The following EXD2 variants were observed in gnomAD, a reference collection of about 807,000 sequenced individuals.
The protein encoded by EXD2 is exonuclease 3'-5' domain-containing protein 2.
Under a neutral mutation model 62.5 loss-of-function variants are expected in EXD2, and 40 were observed. The observed-to-expected ratio is 0.64, with a 90% CI of 0.50 to 0.83. The LOEUF (loss-of-function observed/expected upper bound fraction) is 0.83. Among genes scored for constraint, EXD2 ranks in the 40% least tolerant of loss-of-function variants. The pLI is 0.00. For missense variants in EXD2, 671 were observed against 761.8 expected, an observed-to-expected ratio of 0.88 and a Z score of 1.40; for synonymous variants, 239 against 291.9, an observed-to-expected ratio of 0.82 and a Z score of 1.85.
intron 3 of EXD2, among the ~76,000 whole-genome samples, chr14:69,225,582 A>G (rs11158798): frequency 0.31 from 47,645 of 152,120 alleles, 9,876 homozygotes; most frequent in East Asian, 0.92. Flanking sequence ...AAACATTTTC[A>G]TATATGTTGA....
Position 69,241,304 on chromosome 14 carries a change from G to T in EXD2, c.*204G>T. On this transcript the variant is annotated 3_prime_UTR_variant, in exon 10 of 10. Transcript: ENST00000685843. Reference sequence around the variant, plus strand: ...TATGGTTTTGGATTTTAAACGGGCAGGGTCTTTTTTCCTCTCATTTTTGTG... The same window carrying T: ...TATGGTTTTGGATTTTAAACGGGCATGGTCTTTTTTCCTCTCATTTTTGTG... 1 of 535,116 alleles carries T rather than the reference G, an allele frequency of 1.9e-6. No individual in the cohort carries two copies. Among genetic ancestry groups the T allele is most frequent in the Non-Finnish European group, 3.3e-6 (1 of 305,038 alleles). 33.1% of individuals were successfully genotyped at this position (535,116 alleles called of 1,614,324 possible). A position where few individuals can be genotyped will look rare whatever the true frequency, so the allele number is the denominator to read the frequency against.
intron 3 of EXD2, among the ~76,000 whole-genome samples, chr14:69,211,113 T>C (rs755281760): frequency 1.3e-5 from 2 of 152,202 alleles, no homozygotes; most frequent in Non-Finnish European, 2.9e-5. Context: ...CTCTACTATG[T>C]GGTGCTGTTT....
intron 1 of EXD2, among the ~76,000 whole-genome samples, chr14:69,199,184 C>T (rs528461820): frequency 2.0e-4 from 31 of 152,302 alleles, no homozygotes; most frequent in Non-Finnish European, 3.8e-4. Context: ...GCAGAGTTTG[C>T]AGTGAGCCGA....
rs540482405 is a variant in EXD2, at chr14:69,240,764, C to G, written c.1650-120C>G. The G allele has an allele frequency of 6.7e-6, 5 of 745,136 alleles. No homozygotes were observed. In the East Asian group the frequency reaches 1.3e-4, roughly 20 times the overall value. 46.2% of individuals were successfully genotyped at this position (745,136 alleles called of 1,614,324 possible). ...GGATGTTTCGAAAACACCAAAGTAA[C>G]TAACCCTTTAGGAGTCCTTCAACCT... On this transcript the variant is annotated intron_variant, in intron 9 of 9. Transcript: ENST00000685843.
In EXD2 at chr14:69,241,059, C is replaced by T. The variant is rs1391636573; in HGVS notation, c.1825C>T (p.Leu609Phe). The change falls in exon 10 of 10, where the codon CTC becomes TTC. Residue 609 changes from leucine (L) to phenylalanine (F), a missense_variant. Transcript: ENST00000685843. ...AGTGGACCACAACCATCAGAAGCTGCTCCGGAAATTCGGGGAAGATCTTCC... is the reference window on the plus strand; with the variant it reads ...AGTGGACCACAACCATCAGAAGCTGTTCCGGAAATTCGGGGAAGATCTTCC... ...WSVDHNHQKL[L>F]RKFGEDLPIQ... 1 of 1,612,784 alleles carries T rather than the reference C, an allele frequency of 6.2e-7. No homozygotes were observed. The highest frequency in any genetic ancestry group is 8.5e-7 in the Non-Finnish European group (1 of 1,180,040).
intron 6 of EXD2, 138 bp from the exon 7 acceptor site, chr14:69,235,908 T>C (rs1472775713): frequency 4.0e-6 from 3 of 750,810 alleles, no homozygotes; most frequent in African/African-American, 1.7e-5. Flanking sequence ...TTTCTCACTC[T>C]GTTTTTTCCA....
At chr14:69,221,379 A>C (rs1267906208) in intron 3 of EXD2, among the ~76,000 whole-genome samples, 1 of 152,138 alleles carries the variant, frequency 6.6e-6, no homozygotes, top group Non-Finnish European at 1.5e-5. Flanking sequence ...ATAGTTATAG[A>C]GCTATTAATA....
intron 2 of EXD2, among the ~76,000 whole-genome samples, chr14:69,206,990 G>A (rs2042626740): frequency 1.3e-5 from 2 of 152,158 alleles, no homozygotes; most frequent in South Asian, 4.1e-4. Context: ...ATCTCATTAA[G>A]CTTCAGTTTC....
chr14:69,231,087 G>C (rs961586154), intron 5 of EXD2, among the ~76,000 whole-genome samples: 1 of 151,922 alleles, frequency 6.6e-6, no homozygotes, highest in African/African-American at 2.4e-5. Flanking sequence ...GATTTTTTTT[G>C]AGCATTTACT....
At position 69,243,331 on chromosome 14, in the gene EXD2, C is replaced by T. The variant is rs1397396576; in HGVS notation, c.*2231C>T. 2 of 152,206 alleles carry T rather than the reference C, an allele frequency of 1.3e-5. No homozygotes were observed. The highest frequency in any genetic ancestry group is 2.1e-4 in the South Asian group (1 of 4,826). The allele number at this position is 152,206 out of a possible 1,614,324, so 9.4% of individuals were successfully genotyped here. A position where few individuals can be genotyped will look rare whatever the true frequency, so the allele number is the denominator to read the frequency against. On this transcript the variant is annotated 3_prime_UTR_variant, in exon 10 of 10. Transcript: ENST00000685843. ...AAAGAATAAAAATTAGCCATCTTCTCTCCATCTAAAACAGAGCTAAACTTT... is the reference window on the plus strand; with the variant it reads ...AAAGAATAAAAATTAGCCATCTTCTTTCCATCTAAAACAGAGCTAAACTTT...
intron 9 of EXD2, among the ~76,000 whole-genome samples, chr14:69,238,777 A>G (rs2043888319): frequency 6.6e-6 from 1 of 151,896 alleles, no homozygotes; most frequent in African/African-American, 2.4e-5. Context: ...TGGGACTACA[A>G]GCATGCACCA....
rs554172470 is a variant in EXD2 at position 69,242,130 on chromosome 14, C to A, written c.*1030C>A. On this transcript the variant is annotated 3_prime_UTR_variant, in exon 10 of 10. Coordinates refer to ENST00000685843, the MANE Select transcript of EXD2 (RefSeq NM_001193360.2). ...ATACATTAGATGTTCAAAAGAGGAG[C>A]GTTGTTTCATCTTTCAAAATGTTAG... The A allele has an allele frequency of 2.5e-6, 1 of 398,394 alleles. No individual in the cohort carries two copies. Among genetic ancestry groups the A allele is most frequent in the South Asian group, 1.3e-4 (1 of 7,756 alleles). 24.7% of individuals were successfully genotyped at this position (398,394 alleles called of 1,614,324 possible). A position where few individuals can be genotyped will look rare whatever the true frequency, so the allele number is the denominator to read the frequency against.
intron 1 of EXD2, among the ~76,000 whole-genome samples, chr14:69,203,095 G>C (rs562515500): frequency 1.3e-5 from 2 of 152,278 alleles, no homozygotes; most frequent in African/African-American, 4.8e-5. Flanking sequence ...TCTCACTCCT[G>C]TTGCCTAGGC....
chr14:69,243,904 C>T lies in EXD2; in HGVS notation c.*2804C>T, dbSNP rs1233933719. On this transcript the variant is annotated 3_prime_UTR_variant, in exon 10 of 10. Coordinates refer to ENST00000685843, the MANE Select transcript of EXD2 (RefSeq NM_001193360.2). Reference sequence around the variant, plus strand: ...GCATTTCTTCTTGAGTCCTTCCCTTCTTCCAACCTTATTGCCTCATTTCCC... The same window carrying T: ...GCATTTCTTCTTGAGTCCTTCCCTTTTTCCAACCTTATTGCCTCATTTCCC... 1 of 152,124 alleles carries T rather than the reference C, an allele frequency of 6.6e-6. No individual in the cohort carries two copies. The highest frequency in any genetic ancestry group is 1.5e-5 in the Non-Finnish European group (1 of 68,030). 9.4% of individuals were successfully genotyped at this position (152,124 alleles called of 1,614,324 possible). A position where few individuals can be genotyped will look rare whatever the true frequency, so the allele number is the denominator to read the frequency against.
In EXD2 at chr14:69,236,836, G is replaced by C. The variant is rs2043811045; in HGVS notation, c.1292+294G>C. On this transcript the variant is annotated intron_variant, in intron 8 of 9. Transcript: ENST00000685843. ...GAAAGACTGAAGACCAGTTCCTTCA[G>C]AAGCTGTGTCCCTCTCATCCTCTCT... Among the ~76,000 whole-genome samples, 5 of 152,352 alleles carry C rather than the reference G, an allele frequency of 3.3e-5. No individual in the cohort carries two copies. The South Asian group carries it at 8.3e-4, about 25-fold the overall frequency.
chr14:69,224,946 T>C (rs2043307702), intron 3 of EXD2, among the ~76,000 whole-genome samples: 1 of 152,060 alleles, frequency 6.6e-6, no homozygotes, highest in African/African-American at 2.4e-5. Context: ...ACCACTGCAC[T>C]CCAGCCTGGC....
intron 5 of EXD2, among the ~76,000 whole-genome samples, chr14:69,233,401 G>GT (rs201969472): frequency 3.8e-4 from 56 of 148,836 alleles, no homozygotes; most frequent in East Asian, 1.2e-3. Flanking sequence ...TAAAATTTTA[G>GT]TTTTTTTTTT....
rs780819434 is a variant in EXD2 at position 69,230,606 on chromosome 14, T to G, written c.717+8T>G. ...ACTCTCACAGAGGACCAGGTACTTC[T>G]TATCAGAGTAGTTGAAGAATGGAAA... On this transcript the variant is annotated splice_region_variant and intron_variant, in intron 5 of 9. Coordinates refer to ENST00000685843, the MANE Select transcript of EXD2 (RefSeq NM_001193360.2). 1 of 1,595,790 alleles carries G rather than the reference T, an allele frequency of 6.3e-7. No individual in the cohort carries two copies. Among genetic ancestry groups the G allele is most frequent in the Non-Finnish European group, 8.5e-7 (1 of 1,174,002 alleles).
At chr14:69,194,864 G>T (rs559612220) in intron 1 of EXD2, among the ~76,000 whole-genome samples, 154 of 152,156 alleles carry the variant, frequency 1.0e-3, no homozygotes, top group Middle Eastern at 3.4e-3. Flanking sequence ...AATATTTTTG[G>T]TTATTATTAG....
Sources: allele counts gnomAD v4.1 joint callset (sites outside exome capture counted in the v4.1 genomes callset), GRCh38; gene constraint gnomAD v4.1.1; transcripts MANE v1.5; gene names NCBI Gene and HGNC (gene_info 2026-07-23, HGNC 2026-07-21).